MARCHF10: variants seen among roughly 807,000 people sequenced by gnomAD.
MARCHF10 encodes membrane associated ring-CH-type finger 10, also known as probable E3 ubiquitin-protein ligase MARCHF10.
A neutral mutation model predicts 76.2 loss-of-function variants in MARCHF10; 64 were observed. The observed-to-expected ratio is 0.84, with a 90% CI of 0.69 to 1.03. The LOEUF is 1.03. Among genes scored for constraint, MARCHF10 ranks in the 50% least tolerant of loss-of-function variants. The pLI is 0.00. For synonymous variants in MARCHF10, 340 were observed against 357.5 expected, an observed-to-expected ratio of 0.95 and a Z score of 0.55; for missense variants, 875 against 958.0, an observed-to-expected ratio of 0.91 and a Z score of 1.14.
chr17:62,794,923 G>T lies in MARCHF10; in HGVS notation c.91-6324C>A, dbSNP rs187512250. 5 of 679,712 alleles carry T rather than the reference G, an allele frequency of 7.4e-6. No individual in the cohort carries two copies. The African/African-American group carries it at 7.8e-5, about 11-fold the overall frequency. The allele number at this position is 679,712 out of a possible 1,614,324, so 42.1% of individuals were successfully genotyped here. On this transcript the variant is annotated intron_variant, in intron 2 of 10. Transcript: ENST00000311269. ...TATTAAAGTTCATTAATTTTAAGAG[G>T]TCAAGAAATCAAAGGCATAAAAACA...
intron 3 of MARCHF10, among the ~76,000 whole-genome samples, chr17:62,787,709 G>A (rs2092768970): frequency 6.6e-6 from 1 of 151,982 alleles, no homozygotes; most frequent in Non-Finnish European, 1.5e-5. Context: ...CTTCTCTAAG[G>A]TCCAGTTTTC....
intron 5 of MARCHF10, among the ~76,000 whole-genome samples, chr17:62,740,549 T>C (rs966228844): frequency 4.6e-5 from 7 of 152,170 alleles, no homozygotes; most frequent in African/African-American, 1.7e-4. Flanking sequence ...AATCCAAAAC[T>C]CGGATGATCA....
intron 2 of MARCHF10, 57 bp from the exon 3 acceptor site, chr17:62,788,656 T>C (rs553315773): frequency 6.2e-7 from 1 of 1,607,966 alleles, no homozygotes; most frequent in Admixed American, 1.7e-5. Context: ...CTTGGGTAAC[T>C]TTATGCTTAA....
At chr17:62,762,661 C>T (rs917962845) in intron 3 of MARCHF10, among the ~76,000 whole-genome samples, 2 of 152,182 alleles carry the variant, frequency 1.3e-5, no homozygotes, top group African/African-American at 4.8e-5. Flanking sequence ...ATTCTCCGGC[C>T]TCAGCCTCCT....
chr17:62,779,544 A>G (rs533342176), intron 3 of MARCHF10, among the ~76,000 whole-genome samples: 1 of 152,292 alleles, frequency 6.6e-6, no homozygotes, highest in African/African-American at 2.4e-5. Flanking sequence ...AGATATACCC[A>G]GGTCATAGAA....
chr17:62,701,891 C>G (rs1341342078), intron 10 of MARCHF10, 133 bp from the exon 11 acceptor site: 3 of 1,186,128 alleles, frequency 2.5e-6, no homozygotes, highest in Non-Finnish European at 3.7e-6. Context: ...GCCACAGTGC[C>G]TGGAACCGTG....
intron 3 of MARCHF10, among the ~76,000 whole-genome samples, chr17:62,781,763 T>A (rs550613705): frequency 2.0e-4 from 30 of 152,316 alleles, no homozygotes; most frequent in African/African-American, 6.7e-4. Flanking sequence ...CCTCGTTCGT[T>A]CCAGGCTCAT....
chr17:62,801,946 G>A (rs1172668543), intron 1 of MARCHF10, among the ~76,000 whole-genome samples, 194 bp from the exon 2 acceptor site: 1 of 152,146 alleles, frequency 6.6e-6, no homozygotes, highest in Non-Finnish European at 1.5e-5. Flanking sequence ...TCCTGTTCCA[G>A]GCATAAATAA....
At chr17:62,783,387 G>A (rs980958272) in intron 3 of MARCHF10, among the ~76,000 whole-genome samples, 13 of 151,978 alleles carry the variant, frequency 8.6e-5, no homozygotes, top group Middle Eastern at 3.4e-3. Flanking sequence ...TGTGTAGAGG[G>A]AAATTTATAG....
At chr17:62,802,789 C>A (rs2093097941) in intron 1 of MARCHF10, among the ~76,000 whole-genome samples, 1 of 151,966 alleles carries the variant, frequency 6.6e-6, no homozygotes, top group African/African-American at 2.4e-5. Context: ...GGGAGGGAAG[C>A]AGTGCAGCTG....
chr17:62,760,066 G>A (rs1366796969), intron 3 of MARCHF10, 60 bp from the exon 4 acceptor site: 1 of 1,468,208 alleles, frequency 6.8e-7, no homozygotes, highest in Non-Finnish European at 9.4e-7. Flanking sequence ...TTGTTAGGCA[G>A]AGAAAACAGA....
chr17:62,706,322 G>A (rs2089587274), intron 9 of MARCHF10: 1 of 152,238 alleles, frequency 6.6e-6, no homozygotes, highest in African/African-American at 2.4e-5. Flanking sequence ...GGTCCTGGTT[G>A]CCTGGTAAAT....
chr17:62,702,898 T>C (rs2147518463), intron 10 of MARCHF10, among the ~76,000 whole-genome samples: 1 of 152,318 alleles, frequency 6.6e-6, no homozygotes, highest in East Asian at 1.9e-4. Flanking sequence ...GGAGGTGCTC[T>C]GGCCCAGCCT....
chr17:62,772,123 C>T lies in MARCHF10; in HGVS notation c.211-12117G>A, dbSNP rs535061701. The stretch of plus-strand genomic sequence containing the variant: ...TAATATGGTTTGGCTGTGTCCCCAC[C>T]CAAATCTCATCTTGAATTGTAGCTC... On this transcript the variant is annotated intron_variant, in intron 3 of 10. Coordinates refer to ENST00000311269, the MANE Select transcript of MARCHF10 (RefSeq NM_152598.4). Among the ~76,000 whole-genome samples, 22 of 152,188 alleles carry T rather than the reference C, an allele frequency of 1.4e-4. 1 individual carries two copies. The South Asian group carries it at 4.4e-3, about 30-fold the overall frequency.
At chr17:62,788,727 C>T (rs2092788123) in intron 2 of MARCHF10, 128 bp from the exon 3 acceptor site, 2 of 1,277,800 alleles carry the variant, frequency 1.6e-6, no homozygotes, top group Non-Finnish European at 2.2e-6. Flanking sequence ...TCAAATACCT[C>T]TCACCAAGTA....
chr17:62,735,879 A>T, intron 6 of MARCHF10, 52 bp downstream of exon 6: 1 of 1,532,156 alleles, frequency 6.5e-7, no homozygotes, highest in Non-Finnish European at 8.8e-7. Flanking sequence ...AAGCAATGCT[A>T]ATTTTGGCCT....
intron 4 of MARCHF10, among the ~76,000 whole-genome samples, chr17:62,748,092 G>T (rs1399220829): frequency 6.6e-6 from 1 of 152,172 alleles, no homozygotes; most frequent in Admixed American, 6.5e-5. Context: ...CAGTTTGTGT[G>T]TACATGGGTT....
rs200814272 is a variant in MARCHF10, at chr17:62,788,587, G to T, written c.103C>A (p.Arg35=). 1.2e-6 allele frequency: 2 copies of T among 1,613,954 alleles called. No homozygotes were observed. The highest frequency in any genetic ancestry group is 1.7e-6 in the Non-Finnish European group (2 of 1,179,976). The change falls in exon 3 of 11, where the codon CGA becomes AGA. Residue 35 remains arginine, a synonymous_variant. Coordinates refer to ENST00000311269, the MANE Select transcript of MARCHF10 (RefSeq NM_152598.4). The part of the protein sequence containing the change: ...VDSEYQACLR[R]QEYRRDPNEK... The stretch of plus-strand genomic sequence containing the variant: ...TTTGGGTCTCTTCTATATTCCTGTC[G>T]TCTCAGACAAGCCTGAAGAACAACA...
intron 5 of MARCHF10, among the ~76,000 whole-genome samples, chr17:62,742,697 CTTTTTTCTT>C (rs1481776332): frequency 1.1e-4 from 17 of 149,534 alleles, no homozygotes; most frequent in Non-Finnish European, 8.9e-5. Flanking sequence ...TTTCTTTTTT[CTTTTTTCTT>C]TTTTTTTTTT....
Sources: gnomAD v4.1 joint callset for allele counts (sites outside exome capture counted in the v4.1 genomes callset) on GRCh38, gnomAD v4.1.1 for gene constraint, MANE v1.5 for transcripts, NCBI Gene and HGNC (gene_info 2026-07-23, HGNC 2026-07-21) for gene names.